The following CSTPP1 variants were observed in gnomAD, a reference collection of about 807,000 sequenced individuals.
CSTPP1 encodes UPF0705 protein C11orf49.
chr11:47,162,118 A>G, the CSTPP1 span: 1 of 986,536 alleles, frequency 1.0e-6, no homozygotes, highest in Middle Eastern at 5.2e-4. Context: ...AACAGCCAGT[A>G]GCCTTGGTAA....
chr11:47,044,574 TA>T, the CSTPP1 span, among the ~76,000 whole-genome samples: 1 of 152,056 alleles, frequency 6.6e-6, no homozygotes, highest in Admixed American at 6.6e-5. Context: ...AGCTACAATG[TA>T]TATCTAATAG....
At chr11:47,037,392 ATT>A in the CSTPP1 span, among the ~76,000 whole-genome samples, 211 of 116,756 alleles carry the variant, frequency 1.8e-3, 12 homozygotes, top group African/African-American at 4.6e-3. Flanking sequence ...TATTATTATT[ATT>A]TTTTTTTTTT....
At chr11:47,041,250 T>C in the CSTPP1 span, 1 of 248,210 alleles carries the variant, frequency 4.0e-6, no homozygotes, top group East Asian at 9.6e-5. Context: ...GATGATGTTG[T>C]ATGTGTCAAT....
the CSTPP1 span, among the ~76,000 whole-genome samples, chr11:47,083,158 G>A: frequency 6.6e-6 from 1 of 151,886 alleles, no homozygotes; most frequent in Non-Finnish European, 1.5e-5. Context: ...TCCTGCGTTA[G>A]TTTGCTGAGG....
chr11:46,964,120 G>A, the CSTPP1 span, among the ~76,000 whole-genome samples: 2 of 152,064 alleles, frequency 1.3e-5, no homozygotes, highest in African/African-American at 4.8e-5. Flanking sequence ...ACCTAAACTG[G>A]ATCTGGTTAA....
chr11:47,061,530 C>T, the CSTPP1 span, among the ~76,000 whole-genome samples: 3 of 152,268 alleles, frequency 2.0e-5, no homozygotes, highest in East Asian at 1.9e-4. Flanking sequence ...GGATTAATAG[C>T]GCTTTACTAC....
At chr11:46,969,232 CA>C in the CSTPP1 span, among the ~76,000 whole-genome samples, 1 of 152,146 alleles carries the variant, frequency 6.6e-6, no homozygotes, top group African/African-American at 2.4e-5. Context: ...AGGCAGAATA[CA>C]AGGGCCTGAA....
At chr11:47,163,711 A>C in the CSTPP1 span, among the ~76,000 whole-genome samples, 1 of 152,012 alleles carries the variant, frequency 6.6e-6, no homozygotes, top group Admixed American at 6.6e-5. Context: ...GGCGCGATCT[A>C]GTCTCACTGC....
the CSTPP1 span, among the ~76,000 whole-genome samples, chr11:47,035,237 T>C: frequency 6.6e-6 from 1 of 152,258 alleles, no homozygotes; most frequent in African/African-American, 2.4e-5. Context: ...CAATCTATGA[T>C]GTATGTCAAG....
At chr11:46,970,640 A>C in the CSTPP1 span, among the ~76,000 whole-genome samples, 2 of 152,112 alleles carry the variant, frequency 1.3e-5, no homozygotes, top group Admixed American at 1.3e-4. Context: ...ATGCATAAAT[A>C]GATGTTGGTT....
chr11:46,957,985 TC>T, the CSTPP1 span, among the ~76,000 whole-genome samples: 8 of 152,194 alleles, frequency 5.3e-5, no homozygotes, highest in Non-Finnish European at 1.0e-4. Flanking sequence ...AATTGTGTGA[TC>T]CACTTATACA....
At chr11:47,070,161 AC>A in the CSTPP1 span, among the ~76,000 whole-genome samples, 1 of 152,146 alleles carries the variant, frequency 6.6e-6, no homozygotes, top group African/African-American at 2.4e-5. Flanking sequence ...GAGTTGGAGA[AC>A]ATAAGTGCAC....
chr11:47,001,895 A>C, the CSTPP1 span, among the ~76,000 whole-genome samples: 1 of 152,166 alleles, frequency 6.6e-6, no homozygotes, highest in Admixed American at 6.5e-5. Context: ...ACAAACCAAG[A>C]CTTCGCTGAT....
chr11:47,161,059 C>CA, the CSTPP1 span: 3 of 1,593,992 alleles, frequency 1.9e-6, no homozygotes, highest in Non-Finnish European at 2.6e-6. Context: ...AGGTGAGGGG[C>CA]ATGGAGGAAT....
At chr11:47,158,007 G>A in the CSTPP1 span, 11 of 1,217,948 alleles carry the variant, frequency 9.0e-6, no homozygotes, top group Non-Finnish European at 1.2e-5. Flanking sequence ...CGGCTCCAGA[G>A]GGGAAGGGGC....
At chr11:46,997,858 G>A in the CSTPP1 span, among the ~76,000 whole-genome samples, 6 of 152,182 alleles carry the variant, frequency 3.9e-5, no homozygotes, top group Admixed American at 1.3e-4. Context: ...TATCACCAGC[G>A]GAGGCTGCAG....
chr11:47,155,091 T>A, the CSTPP1 span: 7 of 722,882 alleles, frequency 9.7e-6, no homozygotes, highest in South Asian at 9.6e-5. Context: ...CCCCCGCACT[T>A]TTCCCTTCCT....
chr11:46,937,038 A>G, the CSTPP1 span, among the ~76,000 whole-genome samples: 1 of 152,092 alleles, frequency 6.6e-6, no homozygotes, highest in African/African-American at 2.4e-5. Context: ...CCTGGGAAGT[A>G]AAGAATGTTT....
At chr11:47,055,999 T>C in the CSTPP1 span, among the ~76,000 whole-genome samples, 1 of 152,220 alleles carries the variant, frequency 6.6e-6, no homozygotes, top group East Asian at 1.9e-4. Flanking sequence ...AGGTTATCTT[T>C]CCCAGTCCCT....
Sources: allele counts gnomAD v4.1 joint callset (sites outside exome capture counted in the v4.1 genomes callset), GRCh38; gene constraint gnomAD v4.1.1; transcripts MANE v1.5; gene names NCBI Gene and HGNC (gene_info 2026-07-23, HGNC 2026-07-21).